CADPS2: variants seen among roughly 807,000 people sequenced by gnomAD.
The protein encoded by CADPS2 is calcium-dependent secretion activator 2.
CADPS2 carries 93 observed loss-of-function variants against 172.5 expected under a neutral mutation model. That is an observed-to-expected ratio of 0.54 (90% CI 0.46 to 0.64). CADPS2 has a LOEUF of 0.64. CADPS2 is among the 30% of genes least tolerant of loss of function. CADPS2 has a pLI of 0.00. For missense variants in CADPS2, 1,420 were observed against 1,565.9 expected (o/e 0.91, Z 1.57); for synonymous variants, 546 against 555.2 (o/e 0.98, Z 0.23).
At chr7:122,838,767 C>G (rs1039178999) in intron 1 of CADPS2, among the ~76,000 whole-genome samples, 3 of 152,038 alleles carry the variant, frequency 2.0e-5, no homozygotes, top group African/African-American at 4.8e-5. Context: ...CACTGCTCAA[C>G]GAAATAAAAG....
chr7:122,775,243 A>C (rs1227865383), intron 1 of CADPS2, among the ~76,000 whole-genome samples: 1 of 152,224 alleles, frequency 6.6e-6, no homozygotes, highest in Non-Finnish European at 1.5e-5. Flanking sequence ...GTCTTAGACT[A>C]TTTGCAAGAT....
intron 1 of CADPS2, among the ~76,000 whole-genome samples, chr7:122,757,388 GT>G (rs1019453364): frequency 2.0e-5 from 3 of 151,960 alleles, no homozygotes; most frequent in Admixed American, 2.0e-4. Flanking sequence ...GGCTCAAGCA[GT>G]TGCCCACCTC....
intron 6 of CADPS2, among the ~76,000 whole-genome samples, chr7:122,595,313 C>T (rs1180247027): frequency 6.6e-6 from 1 of 151,906 alleles, no homozygotes; most frequent in Non-Finnish European, 1.5e-5. Context: ...TAAGAGTGCC[C>T]ATCAATAACT....
intron 22 of CADPS2, among the ~76,000 whole-genome samples, chr7:122,389,192 T>G (rs2044065345): frequency 6.6e-6 from 1 of 152,040 alleles, no homozygotes; most frequent in African/African-American, 2.4e-5. Flanking sequence ...TATCTACACG[T>G]GTGTAGAACA....
intron 8 of CADPS2, among the ~76,000 whole-genome samples, chr7:122,527,635 T>A (rs1396227811): frequency 3.3e-4 from 48 of 144,940 alleles, no homozygotes; most frequent in South Asian, 1.1e-3. Context: ...TGTGTGTGTG[T>A]GTGTGTGTGT....
chr7:122,369,384 G>C (rs917906067), intron 25 of CADPS2, among the ~76,000 whole-genome samples: 1 of 152,012 alleles, frequency 6.6e-6, no homozygotes, highest in African/African-American at 2.4e-5. Flanking sequence ...GCCTGCCTCA[G>C]CCTCCCAAAG....
chr7:122,825,338 C>A (rs950118701), intron 1 of CADPS2, among the ~76,000 whole-genome samples: 3 of 152,114 alleles, frequency 2.0e-5, no homozygotes, highest in Middle Eastern at 3.2e-3. Flanking sequence ...TTCATCCATT[C>A]AAGGCAATGA....
intron 15 of CADPS2, among the ~76,000 whole-genome samples, chr7:122,449,781 T>C (rs1467686169): frequency 6.6e-6 from 1 of 152,226 alleles, no homozygotes; most frequent in Non-Finnish European, 1.5e-5. Context: ...TGTTTCCTAA[T>C]GTAAATTTAC....
intron 25 of CADPS2, among the ~76,000 whole-genome samples, chr7:122,362,617 G>T (rs1043443488): frequency 9.9e-5 from 15 of 152,062 alleles, no homozygotes; most frequent in Admixed American, 2.6e-4. Flanking sequence ...CTCCTCCTTA[G>T]AACTAAAATA....
At chr7:122,672,670 C>T (rs2081979269) in intron 2 of CADPS2, among the ~76,000 whole-genome samples, 2 of 152,206 alleles carry the variant, frequency 1.3e-5, no homozygotes, top group African/African-American at 2.4e-5. Context: ...CATTCCTCCA[C>T]CCCAGCCTGG....
At chr7:122,868,589 C>G (rs538432379) in intron 1 of CADPS2, among the ~76,000 whole-genome samples, 21 of 152,126 alleles carry the variant, frequency 1.4e-4, no homozygotes, top group Non-Finnish European at 2.8e-4. Context: ...AAAGAAAGAT[C>G]TTTTACGCAA....
chr7:122,634,695 G>T (rs769583719), intron 3 of CADPS2, among the ~76,000 whole-genome samples: 20 of 151,918 alleles, frequency 1.3e-4, no homozygotes, highest in African/African-American at 2.2e-4. Flanking sequence ...TATTTCTTCT[G>T]CTAGCTTTGG....
At position 122,656,983 on chromosome 7, in the gene CADPS2, G is replaced by C. The variant is rs527869862; in HGVS notation, c.786+6254C>G. Among the ~76,000 whole-genome samples the C allele has an allele frequency of 2.0e-5, 3 of 152,210 alleles. No individual in the cohort carries two copies. In the East Asian group the frequency reaches 5.8e-4, roughly 29 times the overall value. On this transcript the variant is annotated intron_variant, in intron 3 of 29. Coordinates refer to ENST00000449022, the MANE Select transcript of CADPS2 (RefSeq NM_017954.11). ...TTTAATCCATCTGGAATTAATTTTTGTATAAGGTGTAAGGAAGGGATCCAG... is the reference window on the plus strand; with the variant it reads ...TTTAATCCATCTGGAATTAATTTTTCTATAAGGTGTAAGGAAGGGATCCAG...
At chr7:122,687,661 T>C (rs2083810556) in intron 2 of CADPS2, among the ~76,000 whole-genome samples, 2 of 152,212 alleles carry the variant, frequency 1.3e-5, no homozygotes, top group Non-Finnish European at 2.9e-5. Context: ...ATAGCTAAGA[T>C]TATTACCACC....
rs1340920107 is a variant in CADPS2 at position 122,835,595 on chromosome 7, T to A, written c.339+50404A>T. Reference sequence around the variant, plus strand: ...AGTGTAGAGAAGTCCTTAAATGACCTGATGGAACTGAAAACCATGGCATGA... The same window carrying A: ...AGTGTAGAGAAGTCCTTAAATGACCAGATGGAACTGAAAACCATGGCATGA... On this transcript the variant is annotated intron_variant, in intron 1 of 29. Coordinates refer to ENST00000449022, the MANE Select transcript of CADPS2 (RefSeq NM_017954.11). Among the ~76,000 whole-genome samples the A allele has an allele frequency of 3.9e-5, 6 of 152,168 alleles. 1 individual carries two copies. Among genetic ancestry groups the A allele is most frequent in the Admixed American group, 3.9e-4 (6 of 15,274 alleles).
intron 1 of CADPS2, among the ~76,000 whole-genome samples, chr7:122,819,622 TAGAC>T (rs1584617739): frequency 1.0e-5 from 1 of 97,764 alleles, no homozygotes; most frequent in Admixed American, 1.1e-4. Context: ...GGTGCCAACT[TAGAC>T]AGTACTCTTT....
chr7:122,533,871 C>A, intron 8 of CADPS2, among the ~76,000 whole-genome samples: 1 of 152,074 alleles, frequency 6.6e-6, no homozygotes, highest in Non-Finnish European at 1.5e-5. Context: ...AGATCCAGTG[C>A]AGATGTTAAT....
intron 2 of CADPS2, among the ~76,000 whole-genome samples, chr7:122,671,359 C>G (rs753068468): frequency 6.6e-6 from 1 of 152,118 alleles, no homozygotes; most frequent in Non-Finnish European, 1.5e-5. Context: ...CATCCATGCA[C>G]ATGTATAATT....
At chr7:122,808,067 T>G (rs959910785) in intron 1 of CADPS2, among the ~76,000 whole-genome samples, 5 of 152,142 alleles carry the variant, frequency 3.3e-5, no homozygotes, top group Non-Finnish European at 7.4e-5. Flanking sequence ...ACAATAACAT[T>G]CTACTTCAAT....
Sources: gnomAD v4.1 joint callset for allele counts (sites outside exome capture counted in the v4.1 genomes callset) on GRCh38, gnomAD v4.1.1 for gene constraint, MANE v1.5 for transcripts, NCBI Gene and HGNC (gene_info 2026-07-23, HGNC 2026-07-21) for gene names.